The following CSMD1 variants were observed in gnomAD, a reference collection of about 807,000 sequenced individuals.
CSMD1 encodes the protein CUB and Sushi multiple domains 1.
In CSMD1, 213 loss-of-function variants were observed where a neutral mutation model predicts 417.5. The observed-to-expected ratio is 0.51, with a 90% CI of 0.46 to 0.57. CSMD1 has a LOEUF of 0.57. CSMD1 is among the 20% of genes least tolerant of loss of function. The probability of loss-of-function intolerance (pLI) is 0.00; values close to 1 mark genes in which losing one functional copy is unlikely to be tolerated. For missense variants in CSMD1, 6,923 were observed against 4,529.7 expected, an observed-to-expected ratio of 1.53 and a Z score of -15.17; for synonymous variants, 2,862 against 1,736.8, an observed-to-expected ratio of 1.65 and a Z score of -16.11.
chr8:3,600,137 A>T (rs989697318), intron 8 of CSMD1, among the ~76,000 whole-genome samples: 1 of 152,174 alleles, frequency 6.6e-6, no homozygotes, highest in Non-Finnish European at 1.5e-5. Flanking sequence ...ACACACACAC[A>T]CATAACTGCA....
intron 2 of CSMD1, among the ~76,000 whole-genome samples, chr8:4,452,018 G>C (rs887114380): frequency 1.3e-5 from 2 of 150,538 alleles, no homozygotes; most frequent in African/African-American, 2.4e-5. Context: ...ATTATCTTTA[G>C]GCAGCCTGCC....
intron 26 of CSMD1, among the ~76,000 whole-genome samples, chr8:3,257,229 C>A (rs1057230145): frequency 1.4e-4 from 22 of 152,296 alleles, no homozygotes; most frequent in African/African-American, 5.1e-4. Flanking sequence ...GAGGCTGAGG[C>A]AGGAGAATCG....
rs188794722 is a variant in CSMD1, at chr8:4,309,494, T to A, written c.415+110459A>T. Among the ~76,000 whole-genome samples the A allele has an allele frequency of 4.6e-3, 696 of 152,232 alleles. 2 individuals are homozygous for A. Among genetic ancestry groups the A allele is most frequent in the Non-Finnish European group, 6.3e-3 (429 of 68,026 alleles). On this transcript the variant is annotated intron_variant, in intron 3 of 69. Transcript: ENST00000635120. ...TAAATATTAAATGCATTTTCTCTCATCAAATTTCTAAACTAAAAGGTAAAT... is the reference window on the plus strand; with the variant it reads ...TAAATATTAAATGCATTTTCTCTCAACAAATTTCTAAACTAAAAGGTAAAT...
At position 4,578,697 on chromosome 8, in the gene CSMD1, C is replaced by G. The variant is rs190885738; in HGVS notation, c.302+58645G>C. On this transcript the variant is annotated intron_variant, in intron 2 of 69. Coordinates refer to ENST00000635120, the MANE Select transcript of CSMD1 (RefSeq NM_033225.6). ...GGACATGGTGGCAGGTCCTGTAATT[C>G]CAGCTACTCAAGAGGCTGAGGCAAG... Among the ~76,000 whole-genome samples the G allele has an allele frequency of 2.0e-5, 3 of 150,696 alleles. No homozygotes were observed. In the East Asian group the frequency reaches 6.1e-4, roughly 30 times the overall value.
intron 3 of CSMD1, among the ~76,000 whole-genome samples, chr8:4,219,668 G>A (rs17069552): frequency 1.3e-5 from 2 of 152,146 alleles, no homozygotes; most frequent in Admixed American, 6.5e-5. Flanking sequence ...GAGATCATTT[G>A]GATAATACTG....
At chr8:4,180,230 T>C (rs1215850430) in intron 3 of CSMD1, among the ~76,000 whole-genome samples, 1 of 151,972 alleles carries the variant, frequency 6.6e-6, no homozygotes, top group African/African-American at 2.4e-5. Context: ...ATATACACCA[T>C]GGTATACTAT....
At chr8:3,057,996 C>T (rs192751380) in intron 49 of CSMD1, among the ~76,000 whole-genome samples, 117 of 152,266 alleles carry the variant, frequency 7.7e-4, no homozygotes, top group Non-Finnish European at 1.0e-3. Flanking sequence ...GTATCCACGC[C>T]GCCCAGTCGG....
At chr8:4,346,277 C>T (rs532803781) in intron 3 of CSMD1, among the ~76,000 whole-genome samples, 1 of 152,240 alleles carries the variant, frequency 6.6e-6, no homozygotes, top group South Asian at 2.1e-4. Context: ...TATTTCATAG[C>T]ACATGAAAGA....
At chr8:3,055,523 T>C (rs1337991721) in intron 49 of CSMD1, among the ~76,000 whole-genome samples, 2 of 152,208 alleles carry the variant, frequency 1.3e-5, no homozygotes, top group Non-Finnish European at 1.5e-5. Flanking sequence ...TCAAGTTTAG[T>C]ATTCATTCAT....
At chr8:3,731,103 C>A (rs532472169) in intron 6 of CSMD1, among the ~76,000 whole-genome samples, 1 of 152,140 alleles carries the variant, frequency 6.6e-6, no homozygotes, top group Non-Finnish European at 1.5e-5. Context: ...AGTTTATTGT[C>A]GAGCACACCC....
At chr8:4,107,768 G>C (rs564029159) in intron 3 of CSMD1, among the ~76,000 whole-genome samples, 1 of 152,168 alleles carries the variant, frequency 6.6e-6, no homozygotes, top group African/African-American at 2.4e-5. Context: ...ATGACTGCAC[G>C]AGGCTGTCAC....
Position 4,357,541 on chromosome 8 carries a change from G to A in CSMD1, c.415+62412C>T, listed in dbSNP as rs147501155. 5.3e-4 allele frequency among the ~76,000 whole-genome samples: 80 copies of A among 152,052 alleles called. 1 individual carries two copies. Among genetic ancestry groups the A allele is most frequent in the African/African-American group, 1.8e-3 (74 of 41,448 alleles). ...TACCATCTCTAAGTAAGTTGGAAAT[G>A]CACAGTTGGAAAAAAAAAATCTGTC... On this transcript the variant is annotated intron_variant, in intron 3 of 69. Coordinates refer to ENST00000635120, the MANE Select transcript of CSMD1 (RefSeq NM_033225.6).
At chr8:3,803,930 C>CT (rs914137846) in intron 5 of CSMD1, among the ~76,000 whole-genome samples, 34 of 152,042 alleles carry the variant, frequency 2.2e-4, no homozygotes, top group Middle Eastern at 6.8e-3. Context: ...CAAAGTTTCT[C>CT]TTTTTTTCTT....
At chr8:3,692,244 C>G (rs1267634497) in intron 7 of CSMD1, among the ~76,000 whole-genome samples, 5 of 152,136 alleles carry the variant, frequency 3.3e-5, no homozygotes, top group Non-Finnish European at 7.3e-5. Flanking sequence ...TTCACAGCCC[C>G]CTTAGTCGCT....
chr8:4,780,930 A>T (rs1256195759), intron 1 of CSMD1, among the ~76,000 whole-genome samples: 1 of 152,218 alleles, frequency 6.6e-6, no homozygotes, highest in Non-Finnish European at 1.5e-5. Context: ...TTTTAAAAGC[A>T]TAAGTCTTTA....
chr8:3,940,310 C>G (rs932008016), intron 5 of CSMD1, among the ~76,000 whole-genome samples: 3 of 151,880 alleles, frequency 2.0e-5, no homozygotes, highest in Admixed American at 2.0e-4. Context: ...TTTATATATA[C>G]ACTTAATATT....
chr8:3,414,038 C>G (rs1275590752), intron 12 of CSMD1, among the ~76,000 whole-genome samples: 2 of 150,492 alleles, frequency 1.3e-5, no homozygotes, highest in Non-Finnish European at 2.9e-5. Flanking sequence ...ACTGGGGAGG[C>G]TGAAGCAGGA....
chr8:3,551,596 A>ATAT lies in CSMD1; in HGVS notation c.1344+23348_1344+23349insATA, dbSNP rs1261877187. ...TAAATATGTATATATATATATATAT[A>ATAT]TTTTTTTTTTTTTTTTTTCTGAAGA... On this transcript the variant is annotated intron_variant, in intron 10 of 69. Transcript: ENST00000635120. 2.5e-4 allele frequency among the ~76,000 whole-genome samples: 28 copies of ATAT among 113,432 alleles called. No homozygotes were observed. The East Asian group carries it at 3.4e-3, about 14-fold the overall frequency. The allele number at this position is 113,432 out of a possible 152,430, so 74.4% of individuals were successfully genotyped here.
At chr8:4,853,829 G>T (rs1801629052) in intron 1 of CSMD1, among the ~76,000 whole-genome samples, 1 of 152,218 alleles carries the variant, frequency 6.6e-6, no homozygotes, top group African/African-American at 2.4e-5. Context: ...AGCCTTGGGA[G>T]CCCACTCCTT....
Sources: gnomAD v4.1 joint callset for allele counts (sites outside exome capture counted in the v4.1 genomes callset) on GRCh38, gnomAD v4.1.1 for gene constraint, MANE v1.5 for transcripts, NCBI Gene and HGNC (gene_info 2026-07-23, HGNC 2026-07-21) for gene names.